The following MICU1 variants were observed in gnomAD, a reference collection of about 807,000 sequenced individuals.
MICU1 encodes calcium uptake protein 1, mitochondrial.
A neutral mutation model predicts 56.8 loss-of-function variants in MICU1; 45 were observed. That is an observed-to-expected ratio of 0.79 (90% CI 0.62 to 1.02). The LOEUF (loss-of-function observed/expected upper bound fraction) is 1.02. MICU1 is among the 50% of genes least tolerant of loss of function. The probability of loss-of-function intolerance (pLI) is 0.00; values close to 1 mark genes in which losing one functional copy is unlikely to be tolerated. For missense variants in MICU1, 504 were observed against 587.1 expected (o/e 0.86, Z 1.46); for synonymous variants, 186 against 195.1 (o/e 0.95, Z 0.39).
chr10:72,449,019 G>C (rs889305276), intron 8 of MICU1, among the ~76,000 whole-genome samples: 2 of 152,020 alleles, frequency 1.3e-5, no homozygotes, highest in African/African-American at 4.8e-5. Context: ...ACGTAGCCTC[G>C]ACCTCCTGGG....
intron 6 of MICU1, among the ~76,000 whole-genome samples, chr10:72,506,487 T>A (rs1867256111): frequency 6.6e-6 from 1 of 152,152 alleles, no homozygotes; most frequent in African/African-American, 2.4e-5. Flanking sequence ...CTGTCCAAAG[T>A]CACAAAAATG....
intron 8 of MICU1, 70 bp from the exon 9 acceptor site, chr10:72,423,441 C>T: frequency 6.5e-7 from 1 of 1,533,208 alleles, no homozygotes; most frequent in Non-Finnish European, 8.8e-7. Flanking sequence ...ACGGAATGAT[C>T]AGCTGTGTTT....
rs1320606721 is a variant in MICU1 at position 72,569,225 on chromosome 10, A to ATTTTT, written c.-1-2432_-1-2431insAAAAA. ...TATATGCATATATATATATATATAT[A>ATTTTT]TATATATATATATTTTTTTTTTTTT... is the stretch of plus-strand genomic sequence containing the variant. On this transcript the variant is annotated intron_variant, in intron 1 of 11. Transcript: ENST00000361114. Among the ~76,000 whole-genome samples, 169 of 40,464 alleles carry ATTTTT rather than the reference A, an allele frequency of 4.2e-3. 19 individuals are homozygous for ATTTTT. The highest frequency in any genetic ancestry group is 0.019 in the African/African-American group (163 of 8,424). The allele number at this position is 40,464 out of a possible 152,430, so 26.5% of individuals were successfully genotyped here.
At chr10:72,496,762 G>C (rs979365604) in intron 6 of MICU1, among the ~76,000 whole-genome samples, 6 of 152,024 alleles carry the variant, frequency 3.9e-5, no homozygotes, top group Admixed American at 1.3e-4. Context: ...AATAGAGACA[G>C]AGTTTCACTA....
chr10:72,521,892 C>T (rs1329642752), intron 5 of MICU1, among the ~76,000 whole-genome samples: 2 of 151,898 alleles, frequency 1.3e-5, no homozygotes, highest in African/African-American at 4.8e-5. Context: ...AAGGCTTTCA[C>T]TTACTCAAAT....
chr10:72,569,237 A>ATATATATATATATTTTTT, intron 1 of MICU1, among the ~76,000 whole-genome samples: 1 of 34,390 alleles, frequency 2.9e-5, no homozygotes, highest in Non-Finnish European at 5.1e-5. Flanking sequence ...ATATATATAT[A>ATATATATATATATTTTTT]TTTTTTTTTT....
intron 6 of MICU1, among the ~76,000 whole-genome samples, chr10:72,484,198 T>C (rs1182369448): frequency 6.6e-6 from 1 of 152,196 alleles, no homozygotes; most frequent in African/African-American, 2.4e-5. Flanking sequence ...TGATGTGCAA[T>C]TTGAAATGAT....
At chr10:72,413,888 C>T (rs1008239331) in intron 9 of MICU1, among the ~76,000 whole-genome samples, 1 of 152,158 alleles carries the variant, frequency 6.6e-6, no homozygotes, top group Non-Finnish European at 1.5e-5. Context: ...TGAAACAATG[C>T]TTAGCATCAT....
At chr10:72,376,345 C>A (rs1174772247) in intron 10 of MICU1, among the ~76,000 whole-genome samples, 2 of 151,898 alleles carry the variant, frequency 1.3e-5, no homozygotes, top group African/African-American at 4.8e-5. Flanking sequence ...AAGTTCTGTT[C>A]TTTTCTACTG....
intron 1 of MICU1, among the ~76,000 whole-genome samples, chr10:72,622,993 G>A (rs994646810): frequency 6.6e-6 from 1 of 152,144 alleles, no homozygotes; most frequent in Non-Finnish European, 1.5e-5. Flanking sequence ...GGGAGGCCAG[G>A]TACAGTGGCT....
At chr10:72,496,241 C>T (rs1192807116) in intron 6 of MICU1, among the ~76,000 whole-genome samples, 4 of 152,144 alleles carry the variant, frequency 2.6e-5, no homozygotes, top group African/African-American at 9.7e-5. Flanking sequence ...AATTATTCTG[C>T]CTCAGCCTCC....
At chr10:72,577,299 C>T (rs924870696) in intron 1 of MICU1, among the ~76,000 whole-genome samples, 5 of 151,956 alleles carry the variant, frequency 3.3e-5, no homozygotes, top group African/African-American at 7.3e-5. Context: ...CACCTGAGGT[C>T]AGAAGTTCGA....
chr10:72,500,257 CAT>C (rs1219506087), intron 6 of MICU1, among the ~76,000 whole-genome samples: 2 of 47,800 alleles, frequency 4.2e-5, no homozygotes, highest in Non-Finnish European at 8.1e-5. Flanking sequence ...TACATACATA[CAT>C]ACATATATAT....
chr10:72,368,256 A>C lies in MICU1; in HGVS notation c.1370T>G (p.Met457Arg). The C allele has an allele frequency of 6.2e-7, 1 of 1,613,994 alleles. No individual in the cohort carries two copies. The highest frequency in any genetic ancestry group is 8.5e-7 in the Non-Finnish European group (1 of 1,179,884). Reference sequence around the variant, plus strand: ...CTGTGCACATTTCCACATGGCCTGCATGAGGCGAGTGAAACCCATGTCTTT... The same window carrying C: ...CTGTGCACATTTCCACATGGCCTGCCTGAGGCGAGTGAAACCCATGTCTTT... ...KPKDMGFTRL[M>R]QAMWKCAQET... Residue 457 changes from methionine to arginine, a missense_variant, in exon 12 of 12, where the codon ATG becomes AGG. By Grantham distance (91) the Met-to-Arg change is moderately conservative. Transcript: ENST00000361114.
chr10:72,520,692 G>C (rs1207582891), intron 5 of MICU1, among the ~76,000 whole-genome samples: 1 of 152,092 alleles, frequency 6.6e-6, no homozygotes. Context: ...TAACTAGATG[G>C]CTTCAAAGAT....
intron 4 of MICU1, among the ~76,000 whole-genome samples, chr10:72,540,146 A>G (rs1391774006): frequency 6.6e-6 from 1 of 152,056 alleles, no homozygotes; most frequent in Non-Finnish European, 1.5e-5. Context: ...GCATGCCTGT[A>G]ATCCCAGCTA....
At chr10:72,464,295 CAAAAAAAAAAAAA>C (rs58499998) in intron 8 of MICU1, among the ~76,000 whole-genome samples, 8 of 100,014 alleles carry the variant, frequency 8.0e-5, no homozygotes, top group Admixed American at 1.1e-4. Flanking sequence ...GATTCTGTCT[CAAAAAAAAAAAAA>C]AAAAAAAAAA....
chr10:72,624,375 G>T lies in MICU1; in HGVS notation c.-2+1635C>A, dbSNP rs371093125. On this transcript the variant is annotated intron_variant, in intron 1 of 11. Coordinates refer to ENST00000361114, the MANE Select transcript of MICU1 (RefSeq NM_001195518.2). ...CTAATTTTTGTGTTTTGTAGAGATG[G>T]TCTTGCCATATTGCCCAGGCTGGTC... is the stretch of plus-strand genomic sequence containing the variant. Among the ~76,000 whole-genome samples, 49 of 152,140 alleles carry T rather than the reference G, an allele frequency of 3.2e-4. No individual in the cohort carries two copies. The South Asian group carries it at 1.0e-2, about 31-fold the overall frequency.
At chr10:72,452,080 CT>C (rs1865318252) in intron 8 of MICU1, among the ~76,000 whole-genome samples, 1 of 152,106 alleles carries the variant, frequency 6.6e-6, no homozygotes, top group Non-Finnish European at 1.5e-5. Flanking sequence ...GTTGGCCAGG[CT>C]GGTCTTGAAC....
Sources: allele counts gnomAD v4.1 joint callset (sites outside exome capture counted in the v4.1 genomes callset), GRCh38; gene constraint gnomAD v4.1.1; transcripts MANE v1.5; gene names NCBI Gene and HGNC (gene_info 2026-07-23, HGNC 2026-07-21).